The following ZWILCH variants were observed in gnomAD, a reference collection of about 807,000 sequenced individuals.
The protein encoded by ZWILCH is zwilch kinetochore protein.
A neutral mutation model predicts 79.9 loss-of-function variants in ZWILCH; 74 were observed. The ratio of observed to expected loss-of-function variants is 0.93; its 90% CI spans 0.77 to 1.12. The LOEUF is 1.12. Ranked by LOEUF, ZWILCH falls within the 50% of genes most tolerant of loss-of-function variation. ZWILCH has a pLI of 0.00. For missense variants in ZWILCH, 694 were observed against 687.5 expected (o/e 1.01, Z -0.11); for synonymous variants, 241 against 228.2 (o/e 1.06, Z -0.51).
At chr15:66,544,822 C>T (rs1895318355) in intron 17 of ZWILCH, among the ~76,000 whole-genome samples, 1 of 150,708 alleles carries the variant, frequency 6.6e-6, no homozygotes, top group African/African-American at 2.4e-5. Flanking sequence ...CGGCTCACTG[C>T]AACCTCCGCC....
intron 1 of ZWILCH, among the ~76,000 whole-genome samples, chr15:66,506,315 A>G (rs1043935334): frequency 6.6e-6 from 1 of 152,156 alleles, no homozygotes; most frequent in Non-Finnish European, 1.5e-5. Context: ...GACTCCTTAT[A>G]GATCTATCTC....
At position 66,521,186 on chromosome 15, in the gene ZWILCH, T is replaced by C. The variant is rs373567295; in HGVS notation, c.728T>C (p.Leu243Pro). 38 of 1,612,212 alleles carry C rather than the reference T, an allele frequency of 2.4e-5. No homozygotes were observed. The highest frequency in any genetic ancestry group is 2.5e-5 in the Non-Finnish European group (30 of 1,180,020). ...GATGAGATTCTTCAAATCCCTCCACTCTCTTCAACTGCAACTCTGGTAAGA... is the reference window on the plus strand; with the variant it reads ...GATGAGATTCTTCAAATCCCTCCACCCTCTTCAACTGCAACTCTGGTAAGA... ...PVDEILQIPPLSSTATLNIKV... is the reference protein window; with the variant it reads ...PVDEILQIPPPSSTATLNIKV... The change falls in exon 7 of 19, where the codon CTC (leucine) becomes CCC (proline). Residue 243 changes from leucine to proline, a missense_variant. Transcript: ENST00000307897.
At chr15:66,528,521 A>G (rs1420548573) in intron 10 of ZWILCH, among the ~76,000 whole-genome samples, 2 of 152,214 alleles carry the variant, frequency 1.3e-5, no homozygotes, top group Non-Finnish European at 2.9e-5. Context: ...ATCATATATT[A>G]ATATACTCTA....
chr15:66,519,714 G>C (rs544294837), intron 5 of ZWILCH, among the ~76,000 whole-genome samples: 2 of 152,320 alleles, frequency 1.3e-5, no homozygotes, highest in South Asian at 4.1e-4. Context: ...TCAGGCTCCT[G>C]ATCTCAAGAT....
Position 66,506,861 on chromosome 15 carries a change from C to CTT in ZWILCH, c.53+1483_53+1484dup, listed in dbSNP as rs545920806. ...CTATTGATACAACTTTATTTAGACC[C>CTT]TTTTTTTTTTTTTTGAGATGGAGTC... On this transcript the variant is annotated intron_variant, in intron 1 of 18. Coordinates refer to ENST00000307897, the MANE Select transcript of ZWILCH (RefSeq NM_017975.5). Among the ~76,000 whole-genome samples the CTT allele has an allele frequency of 1.1e-4, 15 of 140,246 alleles. No individual in the cohort carries two copies. The East Asian group carries it at 1.9e-3, about 17-fold the overall frequency. The allele number at this position is 140,246 out of a possible 152,430, so 92.0% of individuals were successfully genotyped here. A position where few individuals can be genotyped will look rare whatever the true frequency, so the allele number is the denominator to read the frequency against.
In ZWILCH at chr15:66,508,850, TGAA is replaced by T. The variant is rs1031994114; in HGVS notation, c.67_69del (p.Glu23del). 3 of 1,613,984 alleles carry T rather than the reference TGAA, an allele frequency of 1.9e-6. No individual in the cohort carries two copies. The highest frequency in any genetic ancestry group is 1.7e-5 in the Admixed American group (1 of 59,998). ...TGGTTCTGCGTTTCAGGAAATTTAA[TGAA>T]GAAAAGAAAGGAATCCGTAAAGACC... On this transcript the variant is annotated inframe_deletion, in exon 2 of 19. Transcript: ENST00000307897.
chr15:66,517,455 T>TATATATATATATATATATATAGAG (rs1180456312), intron 4 of ZWILCH, among the ~76,000 whole-genome samples: 8 of 115,200 alleles, frequency 6.9e-5, no homozygotes, highest in African/African-American at 1.5e-4. Flanking sequence ...TATATATATA[T>TATATATATATATATATATATAGAG]AGTAATGTAC....
chr15:66,548,435 AG>A lies in ZWILCH; in HGVS notation c.*114del, dbSNP rs1895462745. The stretch of plus-strand genomic sequence containing the variant: ...TGTATGGAAACCCTCAAAGCAGAAA[AG>A]GGAGGAAGATCCTGAAGATTCTCTT... On this transcript the variant is annotated 3_prime_UTR_variant, in exon 19 of 19. Coordinates refer to ENST00000307897, the MANE Select transcript of ZWILCH (RefSeq NM_017975.5). 1.1e-6 allele frequency: 1 copy of A among 911,792 alleles called. No individual in the cohort carries two copies. Among genetic ancestry groups the A allele is most frequent in the South Asian group, 1.6e-5 (1 of 62,434 alleles). The allele number at this position is 911,792 out of a possible 1,614,324, so 56.5% of individuals were successfully genotyped here.
rs750296720 is a variant in ZWILCH at position 66,537,265 on chromosome 15, T to C, written c.1574+2T>C. ...TGCTGTAAAGAACTTATATCAAAGG[T>C]AAGCAATTTTTGCTAGGCATGGTGG... On this transcript the variant is annotated splice_donor_variant, in intron 16 of 18. Transcript: ENST00000307897. LOFTEE classifies it high-confidence loss of function. 4 of 1,610,772 alleles carry C rather than the reference T, an allele frequency of 2.5e-6. No individual in the cohort carries two copies. The highest frequency in any genetic ancestry group is 3.4e-6 in the Non-Finnish European group (4 of 1,178,826).
chr15:66,525,414 C>T (rs1449696873), intron 8 of ZWILCH, among the ~76,000 whole-genome samples: 1 of 152,154 alleles, frequency 6.6e-6, no homozygotes, highest in Non-Finnish European at 1.5e-5. Flanking sequence ...TGTGTTCAAC[C>T]CCCTATATTT....
intron 5 of ZWILCH, among the ~76,000 whole-genome samples, chr15:66,519,733 C>A (rs914714443): frequency 2.0e-5 from 3 of 152,218 alleles, no homozygotes; most frequent in Non-Finnish European, 2.9e-5. Context: ...ATCCACCCCC[C>A]TCGGCCTCCC....
chr15:66,511,014 T>G (rs1357864316), intron 2 of ZWILCH, among the ~76,000 whole-genome samples: 1 of 152,204 alleles, frequency 6.6e-6, no homozygotes, highest in South Asian at 2.1e-4. Flanking sequence ...ATACCATTTT[T>G]GGGGATACAC....
At chr15:66,528,706 T>C (rs1894759760) in intron 10 of ZWILCH, 146 bp from the exon 11 acceptor site, 1 of 618,384 alleles carries the variant, frequency 1.6e-6, no homozygotes. Context: ...TTGTATCTCC[T>C]CATTAGTGAA....
In ZWILCH at chr15:66,519,060, T is replaced by C. The variant is rs1376951491; in HGVS notation, c.502T>C (p.Tyr168His). The change falls in exon 5 of 19, where the codon TAT becomes CAT. Residue 168 changes from tyrosine to histidine, a missense_variant. Physicochemically the swap from Tyr to His is moderately conservative, Grantham distance 83. Transcript: ENST00000307897. ...CAACAGCATTACAGGAATTGTCTTA[T>C]ATGTGGTCAGTTGTAAAGGTGAGTG... ...TNNSITGIVL[Y>H]VVSCKADKNY... The C allele has an allele frequency of 6.2e-7, 1 of 1,614,222 alleles. No homozygotes were observed. The highest frequency in any genetic ancestry group is 8.5e-7 in the Non-Finnish European group (1 of 1,180,018).
chr15:66,515,311 C>G (rs945040311), intron 3 of ZWILCH, among the ~76,000 whole-genome samples: 8 of 152,132 alleles, frequency 5.3e-5, no homozygotes, highest in Admixed American at 2.6e-4. Context: ...AGGTCAATAT[C>G]TTTTTATAGG....
At chr15:66,528,394 T>G (rs890117272) in intron 10 of ZWILCH, among the ~76,000 whole-genome samples, 1 of 152,224 alleles carries the variant, frequency 6.6e-6, no homozygotes, top group African/African-American at 2.4e-5. Flanking sequence ...ATAGCCACTG[T>G]GCTTGGTCAG....
chr15:66,515,545 C>G lies in ZWILCH; in HGVS notation c.221C>G (p.Thr74Arg), dbSNP rs780533919. 1.2e-6 allele frequency: 2 copies of G among 1,607,900 alleles called. No homozygotes were observed. The highest frequency in any genetic ancestry group is 1.7e-6 in the Non-Finnish European group (2 of 1,177,382). Reference protein sequence around the residue: ...VEKVPLEKEETSHIEELQSEE... With the variant: ...VEKVPLEKEERSHIEELQSEE... ...TTAAAGCCTTTAGAAAAGGAAGAAA[C>G]AAGTCATATTGAAGAACTTCAATCT... Residue 74 changes from threonine to arginine, a missense_variant, in exon 4 of 19, where the codon ACA becomes AGA. Coordinates refer to ENST00000307897, the MANE Select transcript of ZWILCH (RefSeq NM_017975.5).
rs1368592053 is a variant in ZWILCH, at chr15:66,514,069, A to T, written c.187A>T (p.Ile63Leu). 4 of 1,608,826 alleles carry T rather than the reference A, an allele frequency of 2.5e-6. No individual in the cohort carries two copies. Among genetic ancestry groups the T allele is most frequent in the African/African-American group, 1.3e-5 (1 of 74,754 alleles). Reference sequence around the variant, plus strand: ...TCTAAATGAAAATGACATAGTATTCATAGTGGAAAAAGTGGTAAGTACTGG... The same window carrying T: ...TCTAAATGAAAATGACATAGTATTCTTAGTGGAAAAAGTGGTAAGTACTGG... ...NILNENDIVF[I>L]VEKVPLEKEE... Residue 63 changes from isoleucine to leucine, a missense_variant, in exon 3 of 19, where the codon ATA (isoleucine) becomes TTA (leucine). Coordinates refer to ENST00000307897, the MANE Select transcript of ZWILCH (RefSeq NM_017975.5).
chr15:66,529,916 A>G (rs1894808624), intron 12 of ZWILCH, among the ~76,000 whole-genome samples: 1 of 152,246 alleles, frequency 6.6e-6, no homozygotes. Context: ...ACTGATGAGA[A>G]TGCAAGTTGA....
Sources: allele counts gnomAD v4.1 joint callset (sites outside exome capture counted in the v4.1 genomes callset), GRCh38; gene constraint gnomAD v4.1.1; transcripts MANE v1.5; gene names NCBI Gene and HGNC (gene_info 2026-07-23, HGNC 2026-07-21).